Variants in MYO10 observed in about 807,000 individuals in gnomAD.
MYO10 encodes myosin X, also known as unconventional myosin-X.
MYO10 carries 133 observed loss-of-function variants against 257.3 expected under a neutral mutation model. The observed-to-expected ratio is 0.52, with a 90% CI of 0.45 to 0.60. The LOEUF (loss-of-function observed/expected upper bound fraction) is 0.60, where lower values mean the gene tolerates loss of function less well. Ranked by LOEUF, MYO10 falls within the 20% of genes least tolerant of loss-of-function variation. The pLI is 0.00. For synonymous variants in MYO10, 1,104 were observed against 1,028.6 expected (o/e 1.07, Z -1.40); for missense variants, 2,399 against 2,635.7 (o/e 0.91, Z 1.97).
chr5:16,719,989 CGTGTGTGTGTGTGTGT>C (rs10526050), intron 19 of MYO10, among the ~76,000 whole-genome samples: 1 of 143,442 alleles, frequency 7.0e-6, no homozygotes, highest in African/African-American at 2.6e-5. Flanking sequence ...TGTGTGCGTG[CGTGTGTGTGTGTGTGT>C]GTGTGTGTGT....
At chr5:16,685,475 G>C (rs1478881690) in intron 29 of MYO10, among the ~76,000 whole-genome samples, 1 of 151,982 alleles carries the variant, frequency 6.6e-6, no homozygotes, top group African/African-American at 2.4e-5. Flanking sequence ...GCCTCCCAAA[G>C]TGCTGGGACT....
At chr5:16,734,345 G>A (rs924201659) in intron 19 of MYO10, among the ~76,000 whole-genome samples, 7 of 152,088 alleles carry the variant, frequency 4.6e-5, no homozygotes, top group Middle Eastern at 3.2e-3. Context: ...TATTCCCCAC[G>A]CCTACCCCAA....
chr5:16,703,140 G>A lies in MYO10; in HGVS notation c.2295C>T (p.Val765=). 6.3e-7 allele frequency: 1 copy of A among 1,596,080 alleles called. No homozygotes were observed. Among genetic ancestry groups the A allele is most frequent in the Non-Finnish European group, 8.5e-7 (1 of 1,170,410 alleles). ...TCTGTATTATCACCACACAATAAAG[G>A]ACCTTTCTGTATTGTTTTCTGAAAA... ...GFLARKQYRK[V]LYCVVIIQKN... The change falls in exon 23 of 41, where the codon GTC becomes GTT. Residue 765 remains valine, a synonymous_variant. Coordinates refer to ENST00000513610, the MANE Select transcript of MYO10 (RefSeq NM_012334.3).
chr5:16,718,215 C>T (rs558162251), intron 19 of MYO10, among the ~76,000 whole-genome samples: 6 of 152,316 alleles, frequency 3.9e-5, no homozygotes, highest in Admixed American at 2.0e-4. Flanking sequence ...ACCTGCAGCC[C>T]GCCATGCCTG....
rs1746426320 is a variant in MYO10, at chr5:16,935,827, G to T, written c.-19C>A. 1 of 1,612,584 alleles carries T rather than the reference G, an allele frequency of 6.2e-7. No individual in the cohort carries two copies. The highest frequency in any genetic ancestry group is 1.3e-5 in the African/African-American group (1 of 75,004). On this transcript the variant is annotated 5_prime_UTR_variant, in exon 1 of 41. Coordinates refer to ENST00000513610, the MANE Select transcript of MYO10 (RefSeq NM_012334.3). ...TATCCATTGTTCCAGCGCAGTCCCG[G>T]ACTCGCCGAGTGCCGCTCCGACTCG...
intron 2 of MYO10, among the ~76,000 whole-genome samples, chr5:16,818,427 C>CGTAT (rs1561000965): frequency 7.2e-6 from 1 of 139,046 alleles, no homozygotes; most frequent in African/African-American, 2.9e-5. Flanking sequence ...TATATATATA[C>CGTAT]ACATATCTTT....
chr5:16,698,969 A>G (rs895056600), intron 26 of MYO10, among the ~76,000 whole-genome samples: 1 of 152,180 alleles, frequency 6.6e-6, no homozygotes, highest in Non-Finnish European at 1.5e-5. Flanking sequence ...CAATTCCAGC[A>G]GCAGCAGCAA....
rs567667767 is a variant in MYO10, at chr5:16,693,165, G to A, written c.3800+1206C>T. On this transcript the variant is annotated intron_variant, in intron 27 of 40. Coordinates refer to ENST00000513610, the MANE Select transcript of MYO10 (RefSeq NM_012334.3). The stretch of plus-strand genomic sequence containing the variant: ...CACCTATAGTCCCAACAACTCGGGA[G>A]GCTGAGGTGGGAGGATCACCTGAGC... Among the ~76,000 whole-genome samples the A allele has an allele frequency of 1.1e-3, 173 of 152,304 alleles. 6 individuals are homozygous for A. In the South Asian group the frequency reaches 0.034, roughly 30 times the overall value.
chr5:16,878,243 G>T (rs1439215372), intron 1 of MYO10, among the ~76,000 whole-genome samples: 1 of 152,144 alleles, frequency 6.6e-6, no homozygotes, highest in African/African-American at 2.4e-5. Flanking sequence ...GAGGACATTA[G>T]ACCACTCCCT....
chr5:16,794,523 TC>T (rs1741871791), intron 4 of MYO10, 122 bp downstream of exon 4: 4 of 913,696 alleles, frequency 4.4e-6, no homozygotes, highest in Non-Finnish European at 6.1e-6. Flanking sequence ...GAAAACTCTG[TC>T]GGAGAAACTC....
intron 3 of MYO10, among the ~76,000 whole-genome samples, chr5:16,796,322 GAAGAAAGGA>G (rs1215327682): frequency 2.2e-4 from 8 of 35,688 alleles, no homozygotes; most frequent in Non-Finnish European, 5.8e-4. Flanking sequence ...GGAAAGAGAG[GAAGAAAGGA>G]AAGAAAGGGA....
chr5:16,698,624 T>G (rs994625541), intron 26 of MYO10, among the ~76,000 whole-genome samples: 2 of 51,686 alleles, frequency 3.9e-5, no homozygotes, highest in Non-Finnish European at 7.9e-5. Context: ...GAACATGCAG[T>G]TTTTTTTTTT....
At chr5:16,819,913 G>A (rs954696991) in intron 2 of MYO10, among the ~76,000 whole-genome samples, 7 of 152,154 alleles carry the variant, frequency 4.6e-5, no homozygotes, top group Non-Finnish European at 7.3e-5. Flanking sequence ...GAAACTGCTC[G>A]AGGCCAAGAT....
At chr5:16,669,494 G>A (rs1003161578) in intron 39 of MYO10, among the ~76,000 whole-genome samples, 20 of 152,106 alleles carry the variant, frequency 1.3e-4, no homozygotes, top group South Asian at 2.1e-4. Context: ...ATGAGCCACC[G>A]CGCCCGGCCA....
chr5:16,793,286 T>C (rs1270976312), intron 4 of MYO10, among the ~76,000 whole-genome samples: 1 of 152,220 alleles, frequency 6.6e-6, no homozygotes, highest in East Asian at 1.9e-4. Context: ...ATACATGTGA[T>C]GAGGTCAATT....
chr5:16,855,047 A>G (rs568291981), intron 2 of MYO10, among the ~76,000 whole-genome samples: 1 of 152,168 alleles, frequency 6.6e-6, no homozygotes, highest in South Asian at 2.1e-4. Context: ...AAAAAAACCA[A>G]AAAAACTGTT....
intron 3 of MYO10, among the ~76,000 whole-genome samples, chr5:16,796,244 TGC>T (rs1214120657): frequency 8.1e-5 from 6 of 73,912 alleles, no homozygotes; most frequent in Admixed American, 1.7e-4. Flanking sequence ...AGAGCGAGCG[TGC>T]GAGAGAGAGA....
At chr5:16,890,566 G>A (rs1416602144) in intron 1 of MYO10, among the ~76,000 whole-genome samples, 2 of 151,814 alleles carry the variant, frequency 1.3e-5, no homozygotes, top group South Asian at 2.1e-4. Context: ...TAAGGTTGAC[G>A]TGGTGGCTCA....
At chr5:16,911,672 C>G (rs1382245274) in intron 1 of MYO10, among the ~76,000 whole-genome samples, 1 of 151,970 alleles carries the variant, frequency 6.6e-6, no homozygotes, top group Non-Finnish European at 1.5e-5. Context: ...ATCAAGGTTG[C>G]AGTATGCCGA....
Sources: gnomAD v4.1 joint callset for allele counts (sites outside exome capture counted in the v4.1 genomes callset) on GRCh38, gnomAD v4.1.1 for gene constraint, MANE v1.5 for transcripts, NCBI Gene and HGNC (gene_info 2026-07-23, HGNC 2026-07-21) for gene names.